TET1: variants seen among roughly 807,000 people sequenced by gnomAD.
TET1 encodes methylcytosine dioxygenase TET1.
Under a neutral mutation model 148.7 loss-of-function variants are expected in TET1, and 13 were observed. The ratio of observed to expected loss-of-function variants is 0.09; its 90% confidence interval spans 0.06 to 0.14. The LOEUF (loss-of-function observed/expected upper bound fraction) is 0.14. Ranked by LOEUF, TET1 falls within the 10% of genes least tolerant of loss-of-function variation. TET1 has a pLI of 1.00. For missense variants in TET1, 2,182 were observed against 2,553.8 expected, an observed-to-expected ratio of 0.85 and a Z score of 3.14; for synonymous variants, 907 against 937.2, an observed-to-expected ratio of 0.97 and a Z score of 0.59.
chr10:68,672,866 A>G lies in TET1; in HGVS notation c.4674-29A>G, dbSNP rs1384476256. ...TCTGAGGTATTGTAATGCTTCATCA[A>G]TTCACTCTCTTGAATTACAATCTTA... On this transcript the variant is annotated intron_variant, in intron 7 of 11. Transcript: ENST00000373644. 7 of 1,585,542 alleles carry G rather than the reference A, an allele frequency of 4.4e-6. No homozygotes were observed. In the African/African-American group the frequency reaches 5.4e-5, roughly 12 times the overall value.
At chr10:68,662,895 A>C (rs193188383) in intron 6 of TET1, among the ~76,000 whole-genome samples, 1 of 152,328 alleles carries the variant, frequency 6.6e-6, no homozygotes, top group East Asian at 1.9e-4. Flanking sequence ...CACTCCAGCC[A>C]AGGTGACATA....
intron 3 of TET1, among the ~76,000 whole-genome samples, chr10:68,605,486 C>T (rs1039085083): frequency 1.3e-5 from 2 of 152,110 alleles, no homozygotes; most frequent in Admixed American, 6.5e-5. Context: ...TTAACATTCC[C>T]ATCATTTATA....
chr10:68,657,418 C>T (rs113593675), intron 6 of TET1, among the ~76,000 whole-genome samples: 1,792 of 152,188 alleles, frequency 0.012, 43 homozygotes, highest in African/African-American at 0.041. Context: ...CCTCGTGATC[C>T]GCCCACCTCA....
intron 3 of TET1, among the ~76,000 whole-genome samples, chr10:68,617,738 G>T (rs1007310745): frequency 6.6e-6 from 1 of 151,758 alleles, no homozygotes; most frequent in Admixed American, 6.6e-5. Context: ...TAGAGGCGGG[G>T]TTTCACCATG....
intron 3 of TET1, among the ~76,000 whole-genome samples, chr10:68,633,531 A>G (rs2054608143): frequency 6.6e-6 from 1 of 152,088 alleles, no homozygotes; most frequent in African/African-American, 2.4e-5. Flanking sequence ...GCAGGCATGC[A>G]TCACCATGCC....
chr10:68,616,711 C>CTT (rs769000327), intron 3 of TET1, among the ~76,000 whole-genome samples: 17 of 144,984 alleles, frequency 1.2e-4, no homozygotes, highest in African/African-American at 3.3e-4. Flanking sequence ...AATATTTAAA[C>CTT]TTTTTTTTTT....
intron 6 of TET1, among the ~76,000 whole-genome samples, chr10:68,662,124 C>T (rs1381195455): frequency 2.6e-5 from 2 of 77,972 alleles, no homozygotes; most frequent in Non-Finnish European, 5.0e-5. Flanking sequence ...GTCTGCCTGC[C>T]CTGGCCTCAC....
At chr10:68,624,645 T>TTTCC (rs1282031306) in intron 3 of TET1, among the ~76,000 whole-genome samples, 10 of 52,436 alleles carry the variant, frequency 1.9e-4, no homozygotes, top group African/African-American at 1.1e-3. Context: ...TCTTTCTTTC[T>TTTCC]TTCTTTCTTT....
chr10:68,645,556 G>A lies in TET1; in HGVS notation c.2827G>A (p.Asp943Asn), dbSNP rs773647493. ...CTACACTGTAAGAAAAGACCTCCAA[G>A]ACCCAAACTTACAGGGAGAGCCACC... ...ILYTVRKDLQDPNLQGEPPKL... is the reference protein window; with the variant it reads ...ILYTVRKDLQNPNLQGEPPKL... The change falls in exon 4 of 12, where the codon GAC (aspartate) becomes AAC (asparagine). Residue 943 changes from aspartate (D) to asparagine (N), a missense_variant. Transcript: ENST00000373644. The A allele has an allele frequency of 2.5e-6, 4 of 1,614,006 alleles. No homozygotes were observed. The highest frequency in any genetic ancestry group is 1.7e-5 in the Admixed American group (1 of 59,994).
At chr10:68,569,966 T>C (rs2053649738) in intron 1 of TET1, among the ~76,000 whole-genome samples, 1 of 152,168 alleles carries the variant, frequency 6.6e-6, no homozygotes, top group Non-Finnish European at 1.5e-5. Flanking sequence ...TTTTTCTTTT[T>C]TAAAATAATT....
At position 68,682,072 on chromosome 10, in the gene TET1, T is replaced by C. The variant is rs547796422; in HGVS notation, c.4914+584T>C. Among the ~76,000 whole-genome samples the C allele has an allele frequency of 2.5e-3, 375 of 148,110 alleles. 2 individuals are homozygous for C. The highest frequency in any genetic ancestry group is 8.5e-3 in the African/African-American group (346 of 40,544). ...TCTATCTAACATACATTTATGTAATTGGACTTTTTATTGATCTACTCTTTT... is the reference window on the plus strand; with the variant it reads ...TCTATCTAACATACATTTATGTAATCGGACTTTTTATTGATCTACTCTTTT... On this transcript the variant is annotated intron_variant, in intron 9 of 11. Coordinates refer to ENST00000373644, the MANE Select transcript of TET1 (RefSeq NM_030625.3).
chr10:68,585,284 G>T (rs913116908), intron 2 of TET1, among the ~76,000 whole-genome samples: 1 of 152,102 alleles, frequency 6.6e-6, no homozygotes, highest in Non-Finnish European at 1.5e-5. Context: ...GATTACAGGC[G>T]TGAGGCACTG....
intron 7 of TET1, 68 bp from the exon 8 acceptor site, chr10:68,672,827 C>A: frequency 1.4e-6 from 2 of 1,427,726 alleles, no homozygotes; most frequent in Non-Finnish European, 1.9e-6. Flanking sequence ...GCTATAGAAA[C>A]CTGAAATGTT....
At chr10:68,666,920 G>C (rs1367041504) in intron 6 of TET1, 125 bp from the exon 7 acceptor site, 3 of 891,684 alleles carry the variant, frequency 3.4e-6, no homozygotes, top group Non-Finnish European at 5.0e-6. Flanking sequence ...CCCGTCTGTA[G>C]AACAGATTTT....
intron 3 of TET1, among the ~76,000 whole-genome samples, chr10:68,631,851 C>G (rs2054576692): frequency 6.6e-6 from 1 of 151,900 alleles, no homozygotes; most frequent in South Asian, 2.1e-4. Context: ...GACCCAAGAC[C>G]ACAGGGGCAA....
intron 3 of TET1, among the ~76,000 whole-genome samples, chr10:68,606,008 C>T (rs1457914278): frequency 6.6e-6 from 1 of 152,072 alleles, no homozygotes; most frequent in African/African-American, 2.4e-5. Flanking sequence ...TTACAGCCAC[C>T]CTCCCCTGCT....
intron 2 of TET1, among the ~76,000 whole-genome samples, chr10:68,596,011 C>CATATAT (rs1564959026): frequency 8.5e-5 from 9 of 105,854 alleles, no homozygotes; most frequent in African/African-American, 3.4e-4. Flanking sequence ...CACACACACA[C>CATATAT]ACACACACAC....
intron 3 of TET1, among the ~76,000 whole-genome samples, chr10:68,633,345 AT>A (rs1419351790): frequency 6.6e-6 from 1 of 150,500 alleles, no homozygotes; most frequent in Admixed American, 6.7e-5. Context: ...TTTTTTAAAA[AT>A]TAATATGGAA....
chr10:68,652,591 G>A lies in TET1; in HGVS notation c.4458G>A (p.Lys1486=). 6.2e-7 allele frequency: 1 copy of A among 1,606,190 alleles called. No homozygotes were observed. The highest frequency in any genetic ancestry group is 8.5e-7 in the Non-Finnish European group (1 of 1,174,588). Residue 1486 remains lysine, a synonymous_variant, in exon 6 of 12, where the codon AAG becomes AAA. Transcript: ENST00000373644. ...GKSSHGCPIA[K]WVLRRSSDEE... is the part of the protein sequence containing the mutation. ...GCTCTCATGGGTGTCCAATTGCTAA[G>A]TGGGTAAGTATTTCCTATTTATACA...
Sources: gnomAD v4.1 joint callset for allele counts (sites outside exome capture counted in the v4.1 genomes callset) on GRCh38, gnomAD v4.1.1 for gene constraint, MANE v1.5 for transcripts, NCBI Gene and HGNC (gene_info 2026-07-23, HGNC 2026-07-21) for gene names.